PIKFYVE: variants seen among roughly 807,000 people sequenced by gnomAD.
PIKFYVE encodes phosphoinositide kinase, FYVE-type zinc finger containing.
A neutral mutation model predicts 257.9 loss-of-function variants in PIKFYVE; 122 were observed. The ratio of observed to expected loss-of-function variants is 0.47; its 90% CI spans 0.41 to 0.55. The LOEUF is 0.55. Ranked by LOEUF, PIKFYVE falls within the 20% of genes least tolerant of loss-of-function variation. PIKFYVE has a pLI of 0.00. For synonymous variants in PIKFYVE, 892 were observed against 868.9 expected (o/e 1.03, Z -0.47); for missense variants, 2,160 against 2,536.6 (o/e 0.85, Z 3.19).
At chr2:208,274,631 C>T (rs1689871203) in intron 3 of PIKFYVE, among the ~76,000 whole-genome samples, 1 of 152,196 alleles carries the variant, frequency 6.6e-6, no homozygotes, top group Non-Finnish European at 1.5e-5. Context: ...GAGCTGGCTG[C>T]ATCACCTGCA....
At chr2:208,283,238 T>C (rs868676966) in intron 5 of PIKFYVE, among the ~76,000 whole-genome samples, 55 of 152,366 alleles carry the variant, frequency 3.6e-4, no homozygotes, top group African/African-American at 1.2e-3. Context: ...ACTATTGTTA[T>C]TGATGGTAAT....
At chr2:208,293,117 A>G (rs1036190141) in intron 7 of PIKFYVE, among the ~76,000 whole-genome samples, 1 of 149,150 alleles carries the variant, frequency 6.7e-6, no homozygotes, top group Admixed American at 6.7e-5. Context: ...TAGAGTTTGC[A>G]ATGTAACTTA....
intron 5 of PIKFYVE, among the ~76,000 whole-genome samples, chr2:208,281,373 A>G (rs1690784738): frequency 6.6e-6 from 1 of 152,216 alleles, no homozygotes; most frequent in Admixed American, 6.5e-5. Flanking sequence ...CCATGTCAGT[A>G]AATTCAGCTT....
intron 13 of PIKFYVE, among the ~76,000 whole-genome samples, chr2:208,312,937 G>A (rs766898802): frequency 2.6e-5 from 4 of 152,166 alleles, no homozygotes; most frequent in African/African-American, 9.7e-5. Context: ...AGGCAAGCGG[G>A]TACAAGGAGC....
At chr2:208,296,606 C>A (rs552055105) in intron 7 of PIKFYVE, among the ~76,000 whole-genome samples, 2 of 152,132 alleles carry the variant, frequency 1.3e-5, no homozygotes, top group South Asian at 4.1e-4. Context: ...TATTTATGAA[C>A]TTGGATGGAG....
intron 10 of PIKFYVE, 115 bp downstream of exon 10, chr2:208,302,468 C>G: frequency 9.4e-7 from 1 of 1,065,508 alleles, no homozygotes; most frequent in Non-Finnish European, 1.4e-6. Context: ...ACATTTTTTC[C>G]TGCTGTTTGA....
intron 12 of PIKFYVE, among the ~76,000 whole-genome samples, chr2:208,308,006 C>A (rs1286060203): frequency 6.6e-6 from 1 of 152,008 alleles, no homozygotes; most frequent in Non-Finnish European, 1.5e-5. Context: ...AAAGATGTTA[C>A]AAAGTATGTA....
chr2:208,276,690 CTTTTT>C lies in PIKFYVE; in HGVS notation c.323-17_323-13del. 2 of 1,545,888 alleles carry C rather than the reference CTTTTT, an allele frequency of 1.3e-6. No individual in the cohort carries two copies. The highest frequency in any genetic ancestry group is 1.8e-6 in the Non-Finnish European group (2 of 1,120,716). On this transcript the variant is annotated splice_polypyrimidine_tract_variant and intron_variant, in intron 3 of 41. Transcript: ENST00000264380. ...ATACTAGGGACTGTTAACAAGGTTG[CTTTTT>C]TTTTAATCCAACTCAGACACAAGAA...
chr2:208,305,317 C>T, intron 12 of PIKFYVE: 1 of 1,249,006 alleles, frequency 8.0e-7, no homozygotes, highest in Non-Finnish European at 1.0e-6. Context: ...CATTTCTTTG[C>T]ATTTATAACA....
chr2:208,352,597 A>G, intron 38 of PIKFYVE, 57 bp from the exon 39 acceptor site: 1 of 1,580,168 alleles, frequency 6.3e-7, no homozygotes, highest in Non-Finnish European at 8.7e-7. Context: ...TTATATTGGT[A>G]TTAAATTATA....
chr2:208,344,029 G>A (rs1441136507), intron 32 of PIKFYVE, among the ~76,000 whole-genome samples: 3 of 151,724 alleles, frequency 2.0e-5, no homozygotes, highest in Non-Finnish European at 2.9e-5. Context: ...CATGTTGGCC[G>A]GGATGGTCTC....
chr2:208,318,239 T>G (rs929981893), intron 16 of PIKFYVE, among the ~76,000 whole-genome samples: 1 of 152,210 alleles, frequency 6.6e-6, no homozygotes, highest in African/African-American at 2.4e-5. Context: ...CTGTTACGTC[T>G]TAGGGAGACA....
chr2:208,338,876 T>A (rs1488785377), intron 29 of PIKFYVE, among the ~76,000 whole-genome samples: 2 of 152,190 alleles, frequency 1.3e-5, no homozygotes, highest in African/African-American at 2.4e-5. Flanking sequence ...ATTGCAAAAA[T>A]CTTATAAAGT....
intron 5 of PIKFYVE, among the ~76,000 whole-genome samples, chr2:208,280,688 C>T (rs561691356): frequency 3.9e-4 from 60 of 152,296 alleles, no homozygotes; most frequent in African/African-American, 1.4e-3. Context: ...CTGTAAGTGG[C>T]TCAAGTCTGG....
intron 6 of PIKFYVE, among the ~76,000 whole-genome samples, chr2:208,286,875 G>C (rs962776711): frequency 8.5e-5 from 13 of 152,066 alleles, no homozygotes; most frequent in African/African-American, 3.1e-4. Context: ...TACCAAATCT[G>C]GCCGTTACAA....
At chr2:208,346,386 G>C (rs1042255937) in intron 34 of PIKFYVE, among the ~76,000 whole-genome samples, 1 of 152,040 alleles carries the variant, frequency 6.6e-6, no homozygotes, top group Non-Finnish European at 1.5e-5. Context: ...AAGCTCTTTG[G>C]TCTATGCAAA....
intron 38 of PIKFYVE, 71 bp downstream of exon 38, chr2:208,351,526 G>A: frequency 8.2e-7 from 1 of 1,216,404 alleles, no homozygotes; most frequent in Non-Finnish European, 1.2e-6. Context: ...CTTTCTGTTA[G>A]TCTATTCTTG....
intron 23 of PIKFYVE, 90 bp downstream of exon 23, chr2:208,330,784 A>ATTTC (rs1697453861): frequency 2.3e-6 from 3 of 1,284,860 alleles, no homozygotes; most frequent in Non-Finnish European, 3.3e-6. Flanking sequence ...CCTATATGGT[A>ATTTC]CTGGATTCGT....
chr2:208,310,646 C>A (rs1694839036), intron 12 of PIKFYVE, among the ~76,000 whole-genome samples: 1 of 152,132 alleles, frequency 6.6e-6, no homozygotes, highest in Admixed American at 6.5e-5. Flanking sequence ...AAGTTAAACA[C>A]ACCATGAGAA....
Sources: allele counts gnomAD v4.1 joint callset (sites outside exome capture counted in the v4.1 genomes callset), GRCh38; gene constraint gnomAD v4.1.1; transcripts MANE v1.5; gene names NCBI Gene and HGNC (gene_info 2026-07-23, HGNC 2026-07-21).